The following EFNA5 variants were observed in gnomAD, a reference collection of about 807,000 sequenced individuals.
EFNA5 encodes ephrin-A5.
Under a neutral mutation model 22.9 loss-of-function variants are expected in EFNA5, and 5 were observed. The observed-to-expected ratio is 0.22, with a 90% CI of 0.11 to 0.46. The LOEUF (loss-of-function observed/expected upper bound fraction) is 0.46. EFNA5 is among the 20% of genes least tolerant of loss of function. EFNA5 has a pLI of 0.99. For synonymous variants in EFNA5, 113 were observed against 112.2 expected (o/e 1.01, Z -0.04); for missense variants, 237 against 293.3 (o/e 0.81, Z 1.40).
intron 1 of EFNA5, among the ~76,000 whole-genome samples, chr5:107,442,121 C>A (rs1024374350): frequency 6.6e-6 from 1 of 152,106 alleles, no homozygotes; most frequent in Admixed American, 6.6e-5. Flanking sequence ...CTAGTCTTAA[C>A]CTACAGTAAT....
intron 1 of EFNA5, among the ~76,000 whole-genome samples, chr5:107,522,536 T>C (rs1359744565): frequency 6.6e-6 from 1 of 152,168 alleles, no homozygotes; most frequent in Non-Finnish European, 1.5e-5. Context: ...GTAGCTAGGA[T>C]TATAGGCACG....
chr5:107,591,976 A>ATATAAT (rs1749362805), intron 1 of EFNA5, among the ~76,000 whole-genome samples: 2 of 20,958 alleles, frequency 9.5e-5, no homozygotes, highest in African/African-American at 7.9e-4. Context: ...TAATATATAT[A>ATATAAT]ATATATAATA....
intron 1 of EFNA5, among the ~76,000 whole-genome samples, chr5:107,576,910 C>G (rs952589415): frequency 2.0e-5 from 3 of 152,098 alleles, no homozygotes; most frequent in Non-Finnish European, 4.4e-5. Flanking sequence ...ACATATAAAC[C>G]CCTCCACCCC....
chr5:107,387,990 T>A (rs1269007151), intron 2 of EFNA5, among the ~76,000 whole-genome samples: 1 of 152,186 alleles, frequency 6.6e-6, no homozygotes. Context: ...TTCAATACAA[T>A]AAAAGAATCA....
intron 1 of EFNA5, among the ~76,000 whole-genome samples, chr5:107,535,900 CTCAT>C (rs2112455684): frequency 6.6e-6 from 1 of 152,266 alleles, no homozygotes; most frequent in African/African-American, 2.4e-5. Context: ...GAATTCCTCA[CTCAT>C]TGTCTAGTCT....
chr5:107,498,955 AGTATGTATGTATGTAT>A (rs60164431), intron 1 of EFNA5, among the ~76,000 whole-genome samples: 1 of 148,458 alleles, frequency 6.7e-6, no homozygotes, highest in Non-Finnish European at 1.5e-5. Context: ...TATGTATATA[AGTATGTATGTATGTAT>A]GTATGTATGT....
At chr5:107,506,646 A>G (rs1046862133) in intron 1 of EFNA5, among the ~76,000 whole-genome samples, 3 of 152,196 alleles carry the variant, frequency 2.0e-5, no homozygotes, top group African/African-American at 7.2e-5. Context: ...ATGGCAAGCT[A>G]AGGAGCCTCA....
At chr5:107,615,501 T>C (rs1394557957) in intron 1 of EFNA5, among the ~76,000 whole-genome samples, 1 of 152,172 alleles carries the variant, frequency 6.6e-6, no homozygotes, top group Non-Finnish European at 1.5e-5. Context: ...CACCCCTGCC[T>C]TTGCAGTCAG....
chr5:107,615,387 A>G (rs1452412418), intron 1 of EFNA5, among the ~76,000 whole-genome samples: 1 of 152,122 alleles, frequency 6.6e-6, no homozygotes, highest in Non-Finnish European at 1.5e-5. Context: ...TTAAAAAAAC[A>G]TTCAGGGGGA....
At chr5:107,413,240 C>T (rs1748417343) in intron 2 of EFNA5, among the ~76,000 whole-genome samples, 1 of 152,068 alleles carries the variant, frequency 6.6e-6, no homozygotes, top group Non-Finnish European at 1.5e-5. Flanking sequence ...AAATAATAGA[C>T]TTATTTTCTA....
chr5:107,420,986 T>C (rs796519955), intron 2 of EFNA5, among the ~76,000 whole-genome samples: 7 of 152,348 alleles, frequency 4.6e-5, no homozygotes, highest in African/African-American at 1.7e-4. Flanking sequence ...AATGAGGACT[T>C]TCTTCAAATT....
At chr5:107,396,660 T>C (rs921741419) in intron 2 of EFNA5, among the ~76,000 whole-genome samples, 3 of 152,154 alleles carry the variant, frequency 2.0e-5, no homozygotes, top group Non-Finnish European at 4.4e-5. Context: ...AGCATAAATT[T>C]TAAAAACTGG....
intron 4 of EFNA5, among the ~76,000 whole-genome samples, chr5:107,385,279 T>G (rs955667318): frequency 1.3e-5 from 2 of 152,292 alleles, no homozygotes; most frequent in Admixed American, 6.5e-5. Context: ...AAGGTAATTT[T>G]CCTAATGGCA....
intron 1 of EFNA5, among the ~76,000 whole-genome samples, chr5:107,480,248 A>G (rs1454360755): frequency 6.6e-6 from 1 of 152,252 alleles, no homozygotes; most frequent in Admixed American, 6.5e-5. Context: ...CAATTTTTCC[A>G]TAAATCAATG....
intron 1 of EFNA5, among the ~76,000 whole-genome samples, chr5:107,660,861 A>G (rs574027313): frequency 6.6e-6 from 1 of 152,284 alleles, no homozygotes; most frequent in Admixed American, 6.5e-5. Flanking sequence ...CAGAAGCACC[A>G]CTATTTGAAC....
At chr5:107,667,392 ATTTTTTCCCGTG>A (rs551713800) in intron 1 of EFNA5, among the ~76,000 whole-genome samples, 1,682 of 152,152 alleles carry the variant, frequency 0.011, 38 homozygotes, top group African/African-American at 0.037. Context: ...TAAATTTAAT[ATTTTTTCCCGTG>A]AAACTACATC....
intron 1 of EFNA5, among the ~76,000 whole-genome samples, chr5:107,475,926 A>G (rs544997174): frequency 6.7e-6 from 1 of 150,372 alleles, no homozygotes; most frequent in African/African-American, 2.5e-5. Flanking sequence ...ATATTTTACA[A>G]GAGTGAATTT....
chr5:107,564,604 CTTTAT>C (rs538924626), intron 1 of EFNA5, among the ~76,000 whole-genome samples: 1 of 144,750 alleles, frequency 6.9e-6, no homozygotes, highest in Admixed American at 6.9e-5. Context: ...AGTTGGAATA[CTTTAT>C]TTTGTTTTTG....
At chr5:107,608,819 G>A (rs991292008) in intron 1 of EFNA5, among the ~76,000 whole-genome samples, 7 of 152,134 alleles carry the variant, frequency 4.6e-5, no homozygotes, top group Non-Finnish European at 7.3e-5. Flanking sequence ...CCCAACGCTC[G>A]GTTTATTCCA....
Sources: gnomAD v4.1 joint callset for allele counts (sites outside exome capture counted in the v4.1 genomes callset) on GRCh38, gnomAD v4.1.1 for gene constraint, MANE v1.5 for transcripts, NCBI Gene and HGNC (gene_info 2026-07-23, HGNC 2026-07-21) for gene names.